PCDHA4: variants seen among roughly 807,000 people sequenced by gnomAD.
PCDHA4 encodes protocadherin alpha 4.
PCDHA4 carries 49 observed loss-of-function variants against 61.4 expected under a neutral mutation model. The ratio of observed to expected loss-of-function variants is 0.80; its 90% CI spans 0.63 to 1.01. PCDHA4 has a LOEUF of 1.01. Among genes scored for constraint, PCDHA4 ranks in the 50% least tolerant of loss-of-function variants. The probability of loss-of-function intolerance (pLI) is 0.00; values close to 1 mark genes in which losing one functional copy is unlikely to be tolerated. For missense variants in PCDHA4, 1,254 were observed against 1,235.8 expected (o/e 1.01, Z -0.22); for synonymous variants, 590 against 550.3 (o/e 1.07, Z -1.01).
chr5:140,822,455 T>C, intron 1 of PCDHA4: 1 of 1,613,778 alleles, frequency 6.2e-7, no homozygotes, highest in Non-Finnish European at 8.5e-7. Flanking sequence ...ACAGTTCAGT[T>C]GTTGATCAAT....
At position 140,828,843 on chromosome 5, in the gene PCDHA4, T is replaced by C. The variant is rs145020293; in HGVS notation, c.2385+19271T>C. On this transcript the variant is annotated intron_variant, in intron 1 of 3. Transcript: ENST00000530339. ...GAACAGTCTGAATACGAAGTAAGAA[T>C]ATTCGAAAATGCAGACAACGGAACA... 84 of 1,614,196 alleles carry C rather than the reference T, an allele frequency of 5.2e-5. No homozygotes were observed. Among genetic ancestry groups the C allele is most frequent in the Non-Finnish European group, 6.9e-5 (81 of 1,180,038 alleles).
At chr5:140,875,691 C>A (rs1554167867) in intron 1 of PCDHA4, 2 of 1,614,036 alleles carry the variant, frequency 1.2e-6, no homozygotes, top group South Asian at 1.1e-5. Flanking sequence ...GACACGGGGA[C>A]CTTCTGGAGG....
At chr5:140,922,655 C>G (rs1468761948) in intron 1 of PCDHA4, among the ~76,000 whole-genome samples, 1 of 152,134 alleles carries the variant, frequency 6.6e-6, no homozygotes, top group Non-Finnish European at 1.5e-5. Context: ...GTAAATATGG[C>G]TATACTGCAA....
In PCDHA4 at chr5:140,883,748, C is replaced by T. The variant is rs782541066; in HGVS notation, c.2385+74176C>T. The T allele has an allele frequency of 4.3e-6, 7 of 1,613,146 alleles. No individual in the cohort carries two copies. The East Asian group carries it at 1.6e-4, about 36-fold the overall frequency. On this transcript the variant is annotated intron_variant, in intron 1 of 3. Transcript: ENST00000530339. ...GGAGAACGCGCTGGTCTCCTACTCG[C>T]TGGTGGAGCGGCGGGTGGGCGAGCG... is the stretch of plus-strand genomic sequence containing the variant.
intron 1 of PCDHA4, chr5:140,969,008 G>A (rs782541476): frequency 6.2e-7 from 1 of 1,614,194 alleles, no homozygotes; most frequent in Non-Finnish European, 8.5e-7. Context: ...CTTCTGTGGA[G>A]TAAGGGAAAG....
At position 140,973,495 on chromosome 5, in the gene PCDHA4, T is replaced by TA. The variant is rs148545809; in HGVS notation, c.2386-5454_2386-5453insA. Among the ~76,000 whole-genome samples, 585 of 152,336 alleles carry TA rather than the reference T, an allele frequency of 3.8e-3. 2 individuals are homozygous for TA. Among genetic ancestry groups the TA allele is most frequent in the African/African-American group, 0.013 (553 of 41,574 alleles). ...AATTTCATATTGGTCACAGGACTCTTCTTCTGAGAAAAAGTTTATTTTCTT... is the reference window on the plus strand; with the variant it reads ...AATTTCATATTGGTCACAGGACTCTTACTTCTGAGAAAAAGTTTATTTTCTT... On this transcript the variant is annotated intron_variant, in intron 1 of 3. Coordinates refer to ENST00000530339, the MANE Select transcript of PCDHA4 (RefSeq NM_018907.4).
At chr5:140,968,245 C>T (rs2096233117) in intron 1 of PCDHA4, 2 of 1,614,038 alleles carry the variant, frequency 1.2e-6, no homozygotes, top group Non-Finnish European at 1.7e-6. Flanking sequence ...CTGTGCAAGC[C>T]ACAGACCCAG....
chr5:141,010,396 C>A lies in PCDHA4; in HGVS notation c.*459C>A. 7.5e-7 allele frequency: 1 copy of A among 1,337,260 alleles called. No individual in the cohort carries two copies. Among genetic ancestry groups the A allele is most frequent in the Non-Finnish European group, 1.0e-6 (1 of 999,990 alleles). 82.8% of individuals were successfully genotyped at this position (1,337,260 alleles called of 1,614,324 possible). On this transcript the variant is annotated 3_prime_UTR_variant, in exon 4 of 4. Coordinates refer to ENST00000530339, the MANE Select transcript of PCDHA4 (RefSeq NM_018907.4). ...GTGCCAGATATTGGCTGAGACGAGC[C>A]AGCTTAGACTAATTGGTACAAGGAA...
At chr5:140,932,192 T>C (rs1359260162) in intron 1 of PCDHA4, among the ~76,000 whole-genome samples, 4 of 151,968 alleles carry the variant, frequency 2.6e-5, no homozygotes, top group African/African-American at 9.6e-5. Context: ...GTCCATTTTT[T>C]TCTGTTAATA....
At chr5:140,968,288 C>T (rs782056996) in intron 1 of PCDHA4, 16 of 1,613,976 alleles carry the variant, frequency 9.9e-6, no homozygotes, top group Middle Eastern at 1.6e-4. Context: ...GACCTACTCC[C>T]TTCTGGAGAG....
chr5:140,891,602 T>G (rs1002471186), intron 1 of PCDHA4, among the ~76,000 whole-genome samples: 16 of 152,184 alleles, frequency 1.1e-4, no homozygotes, highest in Non-Finnish European at 1.8e-4. Context: ...TCCCATCTAT[T>G]TCTACCTTTT....
chr5:140,926,905 G>A (rs1228610236), intron 1 of PCDHA4: 1 of 1,558,988 alleles, frequency 6.4e-7, no homozygotes, highest in Admixed American at 1.8e-5. Flanking sequence ...GGTGGGCTGT[G>A]GGGTGGCAGT....
Position 140,840,931 on chromosome 5 carries a change from G to A in PCDHA4, c.2385+31359G>A, listed in dbSNP as rs2150310219. Among the ~76,000 whole-genome samples the A allele has an allele frequency of 2.6e-5, 4 of 152,056 alleles. No homozygotes were observed. In the South Asian group the frequency reaches 8.3e-4, roughly 32 times the overall value. ...ACTTAAATTTATTATTAATTGATACGATATTTGAAATATTGGGAAGAAATT... is the reference window on the plus strand; with the variant it reads ...ACTTAAATTTATTATTAATTGATACAATATTTGAAATATTGGGAAGAAATT... On this transcript the variant is annotated intron_variant, in intron 1 of 3. Transcript: ENST00000530339.
chr5:140,885,160 CTTTT>C (rs370486132), intron 1 of PCDHA4, among the ~76,000 whole-genome samples: 314 of 152,080 alleles, frequency 2.1e-3, no homozygotes, highest in African/African-American at 7.4e-3. Context: ...ATTGTCTCTA[CTTTT>C]TTGTCCTCTA....
intron 1 of PCDHA4, chr5:140,871,009 C>T (rs1288290775): frequency 1.9e-6 from 3 of 1,613,246 alleles, no homozygotes; most frequent in African/African-American, 2.7e-5. Flanking sequence ...AACGCGTGCC[C>T]TGGACGAGGC....
Position 140,892,378 on chromosome 5 carries a change from A to G in PCDHA4, c.2385+82806A>G, listed in dbSNP as rs13360703. 4.7e-3 allele frequency among the ~76,000 whole-genome samples: 722 copies of G among 152,344 alleles called. 7 individuals are homozygous for G. Among genetic ancestry groups the G allele is most frequent in the African/African-American group, 0.016 (672 of 41,584 alleles). On this transcript the variant is annotated intron_variant, in intron 1 of 3. Coordinates refer to ENST00000530339, the MANE Select transcript of PCDHA4 (RefSeq NM_018907.4). Reference sequence around the variant, plus strand: ...CAGGCATCTTGGGGCACTAGCAATCATGGGTAATCTTAATCTATTTCAAGC... The same window carrying G: ...CAGGCATCTTGGGGCACTAGCAATCGTGGGTAATCTTAATCTATTTCAAGC...
intron 1 of PCDHA4, among the ~76,000 whole-genome samples, chr5:140,833,632 C>T (rs1228908816): frequency 6.6e-6 from 1 of 152,104 alleles, no homozygotes; most frequent in Non-Finnish European, 1.5e-5. Context: ...ACTTCCTCCT[C>T]AAAAAGTTCA....
At chr5:140,857,245 C>T (rs1411907706) in intron 1 of PCDHA4, 5 of 1,598,612 alleles carry the variant, frequency 3.1e-6, no homozygotes, top group Non-Finnish European at 4.3e-6. Context: ...TGGTGTCCAC[C>T]TACAAGAATT....
rs782118774 is a variant in PCDHA4 at position 140,929,021 on chromosome 5, G to A, written c.2386-49928G>A. ...TTCGTGTGTACCAAGTTGCACCAGAGCCCAGGCTGTTGCGCTCAGAGCTGC... is the reference window on the plus strand; with the variant it reads ...TTCGTGTGTACCAAGTTGCACCAGAACCCAGGCTGTTGCGCTCAGAGCTGC... On this transcript the variant is annotated intron_variant, in intron 1 of 3. Coordinates refer to ENST00000530339, the MANE Select transcript of PCDHA4 (RefSeq NM_018907.4). 5 of 1,614,072 alleles carry A rather than the reference G, an allele frequency of 3.1e-6. No homozygotes were observed. In the African/African-American group the frequency reaches 6.7e-5, roughly 22 times the overall value.
Sources: gnomAD v4.1 joint callset for allele counts (sites outside exome capture counted in the v4.1 genomes callset) on GRCh38, gnomAD v4.1.1 for gene constraint, MANE v1.5 for transcripts, NCBI Gene and HGNC (gene_info 2026-07-23, HGNC 2026-07-21) for gene names.